Variants in MAF observed in about 807,000 individuals in gnomAD.
MAF encodes the protein transcription factor Maf.
Under a neutral mutation model 22.0 loss-of-function variants are expected in MAF, and 10 were observed. The observed-to-expected ratio is 0.45, with a 90% CI of 0.28 to 0.77. MAF has a LOEUF of 0.77. Among genes scored for constraint, MAF ranks in the 30% least tolerant of loss-of-function variants. The pLI is 0.12. For synonymous variants in MAF, 337 were observed against 255.8 expected (o/e 1.32, Z -3.03); for missense variants, 544 against 548.4 (o/e 0.99, Z 0.08).
chr16:79,239,805 G>A, the MAF span, among the ~76,000 whole-genome samples: 1 of 152,016 alleles, frequency 6.6e-6, no homozygotes, highest in Non-Finnish European at 1.5e-5. Context: ...TATTGACTGA[G>A]CAAATGGATG....
At chr16:79,247,244 G>A in the MAF span, among the ~76,000 whole-genome samples, 1 of 152,214 alleles carries the variant, frequency 6.6e-6, no homozygotes, top group African/African-American at 2.4e-5. Context: ...TCAAGATTCA[G>A]CAAGTGAGTC....
chr16:79,282,106 G>C, the MAF span, among the ~76,000 whole-genome samples: 3 of 152,078 alleles, frequency 2.0e-5, no homozygotes, highest in Non-Finnish European at 2.9e-5. Context: ...TTCGAGACCA[G>C]CCTGGACAAG....
the MAF span, among the ~76,000 whole-genome samples, chr16:79,298,145 G>A: frequency 6.6e-6 from 1 of 152,272 alleles, no homozygotes; most frequent in Non-Finnish European, 1.5e-5. Flanking sequence ...AGCCAGCTCA[G>A]GCGGAGCTTG....
At chr16:79,379,379 T>G in the MAF span, among the ~76,000 whole-genome samples, 2 of 152,282 alleles carry the variant, frequency 1.3e-5, no homozygotes, top group Admixed American at 1.3e-4. Context: ...CAGTTGAGTT[T>G]TGTTGTTGCA....
rs545863643 is a variant in MAF at position 79,598,580 on chromosome 16, G to T, written c.1118+205C>A. On this transcript the variant is annotated intron_variant, in intron 1 of 1. Coordinates refer to ENST00000326043, the MANE Select transcript of MAF (RefSeq NM_005360.5). ...CCACCACAAACTCGAGCAGGGTGTG[G>T]GGTGTGTGTGTGTGTGTGTGTGTGT... 171 of 1,399,406 alleles carry T rather than the reference G, an allele frequency of 1.2e-4. No homozygotes were observed. The African/African-American group carries it at 2.9e-3, about 24-fold the overall frequency. 86.7% of individuals were successfully genotyped at this position (1,399,406 alleles called of 1,614,324 possible).
At chr16:79,514,899 C>T in the MAF span, among the ~76,000 whole-genome samples, 57 of 152,318 alleles carry the variant, frequency 3.7e-4, no homozygotes, top group Middle Eastern at 3.4e-3. Context: ...TTTTTCTCTT[C>T]GCAAGCCCTT....
the MAF span, among the ~76,000 whole-genome samples, chr16:79,304,916 T>G: frequency 1.3e-5 from 2 of 152,186 alleles, no homozygotes; most frequent in African/African-American, 4.8e-5. Flanking sequence ...GGATTATACT[T>G]GGCGCCTTAA....
chr16:79,314,648 A>C, the MAF span, among the ~76,000 whole-genome samples: 1 of 152,336 alleles, frequency 6.6e-6, no homozygotes, highest in East Asian at 1.9e-4. Flanking sequence ...TAGCTGGAGC[A>C]AATGCCGGCT....
the MAF span, among the ~76,000 whole-genome samples, chr16:79,519,937 T>C: frequency 6.6e-6 from 1 of 152,224 alleles, no homozygotes; most frequent in African/African-American, 2.4e-5. Flanking sequence ...CGCATGTTTG[T>C]CAATGCAAGA....
At chr16:79,209,946 C>T in the MAF span, among the ~76,000 whole-genome samples, 26,268 of 152,162 alleles carry the variant, frequency 0.17, 2,516 homozygotes, top group East Asian at 0.31. Flanking sequence ...AAAGAAACAG[C>T]TGAATCCAGG....
the MAF span, among the ~76,000 whole-genome samples, chr16:79,300,930 G>A: frequency 1.3e-5 from 2 of 151,994 alleles, no homozygotes; most frequent in Non-Finnish European, 1.5e-5. Context: ...GTGGGTTTTC[G>A]ATCAACACAT....
chr16:79,290,036 T>C, the MAF span, among the ~76,000 whole-genome samples: 3 of 151,996 alleles, frequency 2.0e-5, no homozygotes, highest in Non-Finnish European at 4.4e-5. Flanking sequence ...TTTGTATTTT[T>C]AGTAGAGACG....
chr16:79,370,456 C>G, the MAF span, among the ~76,000 whole-genome samples: 1 of 152,204 alleles, frequency 6.6e-6, no homozygotes, highest in Admixed American at 6.5e-5. Flanking sequence ...CACAGTTAAG[C>G]TTACTCAAAG....
At chr16:79,400,860 G>A in the MAF span, among the ~76,000 whole-genome samples, 1 of 152,208 alleles carries the variant, frequency 6.6e-6, no homozygotes. Flanking sequence ...AATGGCCTGG[G>A]GTATCTTCCG....
At chr16:79,404,551 G>A in the MAF span, among the ~76,000 whole-genome samples, 1 of 152,158 alleles carries the variant, frequency 6.6e-6, no homozygotes, top group Non-Finnish European at 1.5e-5. Context: ...CCTGAGACCT[G>A]CACTTTACTT....
At chr16:79,448,749 T>C in the MAF span, among the ~76,000 whole-genome samples, 1 of 148,868 alleles carries the variant, frequency 6.7e-6, no homozygotes, top group Non-Finnish European at 1.5e-5. Flanking sequence ...TTAAGTTATA[T>C]ACATTTAAAA....
chr16:79,225,674 T>G, the MAF span, among the ~76,000 whole-genome samples: 1 of 151,842 alleles, frequency 6.6e-6, no homozygotes, highest in South Asian at 2.1e-4. Flanking sequence ...TTAAACAAAT[T>G]TACAAGAAAA....
At chr16:79,255,016 G>C in the MAF span, among the ~76,000 whole-genome samples, 2 of 152,194 alleles carry the variant, frequency 1.3e-5, no homozygotes, top group East Asian at 1.9e-4. Context: ...GCCTTCAGGA[G>C]AGCAAGCAAT....
the MAF span, among the ~76,000 whole-genome samples, chr16:79,309,101 G>A: frequency 6.6e-6 from 1 of 152,154 alleles, no homozygotes; most frequent in Non-Finnish European, 1.5e-5. Flanking sequence ...GGGAACAAAA[G>A]GCTATAGCAG....
Sources: allele counts gnomAD v4.1 joint callset (sites outside exome capture counted in the v4.1 genomes callset), GRCh38; gene constraint gnomAD v4.1.1; transcripts MANE v1.5; gene names NCBI Gene and HGNC (gene_info 2026-07-23, HGNC 2026-07-21).